The following RIMS1 variants were observed in gnomAD, a reference collection of about 807,000 sequenced individuals.
RIMS1 encodes regulating synaptic membrane exocytosis 1.
Under a neutral mutation model 214.1 loss-of-function variants are expected in RIMS1, and 83 were observed. The ratio of observed to expected loss-of-function variants is 0.39; its 90% CI spans 0.32 to 0.47. RIMS1 has a LOEUF of 0.47. Among genes scored for constraint, RIMS1 ranks in the 20% least tolerant of loss-of-function variants. The probability of loss-of-function intolerance (pLI) is 0.99; values close to 1 mark genes in which losing one functional copy is unlikely to be tolerated. For missense variants in RIMS1, 2,050 were observed against 2,161.8 expected (o/e 0.95, Z 1.03); for synonymous variants, 793 against 786.8 (o/e 1.01, Z -0.13).
Position 71,887,005 on chromosome 6 carries a change from G to T in RIMS1, c.-19G>T. On this transcript the variant is annotated 5_prime_UTR_variant, in exon 1 of 34. Coordinates refer to ENST00000521978, the MANE Select transcript of RIMS1 (RefSeq NM_014989.7). ...GTGAGAGCCAGAGAGCGAGCAGAGG[G>T]GGCGGGCAGGCCACGAAAATGTCCT... is the stretch of plus-strand genomic sequence containing the variant. 6.2e-7 allele frequency: 1 copy of T among 1,610,088 alleles called. No homozygotes were observed. Among genetic ancestry groups the T allele is most frequent in the Non-Finnish European group, 8.5e-7 (1 of 1,178,102 alleles).
At position 72,113,604 on chromosome 6, in the gene RIMS1, C is replaced by T. The variant is rs1158593463; in HGVS notation, c.471+13618C>T. ...ACTTTCTTTTGAATTCTAGAATAAG[C>T]AGCAAAAAAGAATTAAAAATCACTT... On this transcript the variant is annotated intron_variant, in intron 4 of 33. Transcript: ENST00000521978. Among the ~76,000 whole-genome samples, 3 of 152,092 alleles carry T rather than the reference C, an allele frequency of 2.0e-5. No individual in the cohort carries two copies. The East Asian group carries it at 5.8e-4, about 29-fold the overall frequency.
At chr6:71,995,451 C>CGTACGT (rs1803099688) in intron 2 of RIMS1, among the ~76,000 whole-genome samples, 3 of 144,400 alleles carry the variant, frequency 2.1e-5, no homozygotes, top group South Asian at 2.3e-4. Flanking sequence ...TGTAATATGA[C>CGTACGT]GTGTGTGTGT....
intron 4 of RIMS1, among the ~76,000 whole-genome samples, chr6:72,110,261 C>G (rs528272977): frequency 0.013 from 1,909 of 151,798 alleles, 47 homozygotes; most frequent in African/African-American, 0.044. Flanking sequence ...AGCTTGATGG[C>G]AATGGCATTG....
At chr6:72,365,736 A>C (rs1270670812) in intron 29 of RIMS1, 1 of 152,252 alleles carries the variant, frequency 6.6e-6, no homozygotes, top group Non-Finnish European at 1.5e-5. Flanking sequence ...GGAAAAACAG[A>C]ACACTCTAGA....
chr6:72,134,703 C>T (rs575194907), intron 4 of RIMS1, among the ~76,000 whole-genome samples: 2 of 152,040 alleles, frequency 1.3e-5, no homozygotes, highest in African/African-American at 4.8e-5. Context: ...ATGAGGTAGG[C>T]TAGTCTATTT....
At position 72,242,452 on chromosome 6, in the gene RIMS1, A is replaced by T. The variant is rs1193134741; in HGVS notation, c.2081+15A>T. 1 of 1,525,350 alleles carries T rather than the reference A, an allele frequency of 6.6e-7. No individual in the cohort carries two copies. Among genetic ancestry groups the T allele is most frequent in the Non-Finnish European group, 8.8e-7 (1 of 1,133,602 alleles). 94.5% of individuals were successfully genotyped at this position (1,525,350 alleles called of 1,614,324 possible). A position where few individuals can be genotyped will look rare whatever the true frequency, so the allele number is the denominator to read the frequency against. Reference sequence around the variant, plus strand: ...AGGCCTATTGGGTAAGGCTAAAAAAACTTACTTCTTAAGTTTAGTAAATTA... The same window carrying T: ...AGGCCTATTGGGTAAGGCTAAAAAATCTTACTTCTTAAGTTTAGTAAATTA... On this transcript the variant is annotated intron_variant, in intron 10 of 33. Coordinates refer to ENST00000521978, the MANE Select transcript of RIMS1 (RefSeq NM_014989.7).
intron 2 of RIMS1, among the ~76,000 whole-genome samples, chr6:72,073,514 C>T (rs531011247): frequency 4.6e-5 from 7 of 152,260 alleles, no homozygotes; most frequent in South Asian, 2.1e-4. Context: ...TGATGGGTTT[C>T]GCTCTTGATA....
At chr6:71,936,660 G>T (rs1351862980) in intron 1 of RIMS1, among the ~76,000 whole-genome samples, 1 of 152,208 alleles carries the variant, frequency 6.6e-6, no homozygotes, top group Non-Finnish European at 1.5e-5. Context: ...AAATAGCTGA[G>T]TTTAGAGAAT....
intron 2 of RIMS1, among the ~76,000 whole-genome samples, chr6:72,006,898 G>A (rs927865032): frequency 1.3e-5 from 2 of 152,192 alleles, no homozygotes; most frequent in East Asian, 3.9e-4. Context: ...ACCTCTGGGG[G>A]CAGGGCATAG....
chr6:72,351,435 G>C (rs904947240), intron 29 of RIMS1, among the ~76,000 whole-genome samples: 5 of 152,142 alleles, frequency 3.3e-5, no homozygotes, highest in African/African-American at 1.2e-4. Context: ...GAGTTGTTCA[G>C]CCCATATTAT....
chr6:72,015,902 G>A (rs568836862), intron 2 of RIMS1, among the ~76,000 whole-genome samples: 4 of 152,208 alleles, frequency 2.6e-5, no homozygotes, highest in Admixed American at 1.3e-4. Flanking sequence ...CTCCAGGCTG[G>A]GTGACAGAGC....
chr6:72,302,840 A>G (rs1380222157), intron 26 of RIMS1, among the ~76,000 whole-genome samples: 2 of 151,372 alleles, frequency 1.3e-5, no homozygotes, highest in Non-Finnish European at 1.5e-5. Context: ...TAATAATATA[A>G]AAGTTCTACT....
Position 71,891,215 on chromosome 6 carries a change from T to A in RIMS1, c.164+4028T>A, listed in dbSNP as rs545773790. 7.9e-5 allele frequency among the ~76,000 whole-genome samples: 12 copies of A among 152,264 alleles called. No homozygotes were observed. The East Asian group carries it at 2.3e-3, about 29-fold the overall frequency. ...AAAGACCATTAAGTTTGTATCCGAG[T>A]GTTTTTAGGTTCTAGTTCTAGTTCT... On this transcript the variant is annotated intron_variant, in intron 1 of 33. Transcript: ENST00000521978.
At chr6:72,209,676 T>C (rs2053493849) in intron 6 of RIMS1, among the ~76,000 whole-genome samples, 1 of 152,004 alleles carries the variant, frequency 6.6e-6, no homozygotes, top group African/African-American at 2.4e-5. Flanking sequence ...CCAAGGCGGA[T>C]GGATCACGAG....
intron 2 of RIMS1, among the ~76,000 whole-genome samples, chr6:71,989,279 A>G (rs1025235942): frequency 6.6e-6 from 1 of 152,202 alleles, no homozygotes; most frequent in Non-Finnish European, 1.5e-5. Context: ...CAGGTGCTCA[A>G]TATTTGCTAA....
chr6:71,986,418 A>C (rs1799983086), intron 2 of RIMS1, among the ~76,000 whole-genome samples: 1 of 152,168 alleles, frequency 6.6e-6, no homozygotes, highest in African/African-American at 2.4e-5. Flanking sequence ...AATTAGGACA[A>C]CCAGATAGAA....
chr6:72,248,187 T>C, intron 12 of RIMS1, 60 bp downstream of exon 12: 1 of 989,754 alleles, frequency 1.0e-6, no homozygotes, highest in East Asian at 2.4e-5. Flanking sequence ...TCTGAGTCTG[T>C]CTTTAAATAT....
Position 72,259,030 on chromosome 6 carries a change from C to T in RIMS1, c.2972C>T (p.Thr991Ile). The T allele has an allele frequency of 6.2e-7, 1 of 1,612,548 alleles. No individual in the cohort carries two copies. Among genetic ancestry groups the T allele is most frequent in the Middle Eastern group, 1.7e-4 (1 of 6,056 alleles). Residue 991 changes from threonine (T) to isoleucine (I), a missense_variant, in exon 18 of 34, where the codon ACC (threonine) becomes ATC (isoleucine). Thr to Ile is a moderately conservative substitution (Grantham distance 89). Transcript: ENST00000521978. ...IHPTRRSRSP[T>I]RHHDASRSPV... ...CCAACAAGAAGGTCACGTTCTCCAA[C>T]CAGACACCATGATGCCTCCCGAAGT...
At chr6:72,217,783 T>C (rs1335235382) in intron 6 of RIMS1, among the ~76,000 whole-genome samples, 1 of 152,156 alleles carries the variant, frequency 6.6e-6, no homozygotes, top group East Asian at 1.9e-4. Context: ...AGCTGTGGAC[T>C]AAAGGGGAAA....
Sources: allele counts gnomAD v4.1 joint callset (sites outside exome capture counted in the v4.1 genomes callset), GRCh38; gene constraint gnomAD v4.1.1; transcripts MANE v1.5; gene names NCBI Gene and HGNC (gene_info 2026-07-23, HGNC 2026-07-21).